The following GADL1 variants were observed in gnomAD, a reference collection of about 807,000 sequenced individuals.
The protein encoded by GADL1 is GAD like acidic amino acid decarboxylase 1.
Under a neutral mutation model 69.5 loss-of-function variants are expected in GADL1, and 71 were observed. That is an observed-to-expected ratio of 1.02 (90% confidence interval 0.84 to 1.25). The LOEUF is 1.25. Ranked by LOEUF, GADL1 falls within the 50% of genes most tolerant of loss-of-function variation. The pLI is 0.00. For missense variants in GADL1, 737 were observed against 631.8 expected (o/e 1.17, Z -1.79); for synonymous variants, 254 against 214.4 (o/e 1.18, Z -1.62).
intron 11 of GADL1, among the ~76,000 whole-genome samples, chr3:30,803,826 G>T (rs1697204424): frequency 6.6e-6 from 1 of 152,216 alleles, no homozygotes; most frequent in African/African-American, 2.4e-5. Context: ...ACTAAGAGAA[G>T]ATGCTCAGAT....
At chr3:30,777,635 T>C (rs1025833890) in intron 14 of GADL1, among the ~76,000 whole-genome samples, 11 of 152,182 alleles carry the variant, frequency 7.2e-5, no homozygotes, top group Admixed American at 3.9e-4. Flanking sequence ...CCTCACACGG[T>C]ATCATCAGCC....
At chr3:30,851,307 G>A (rs1698143609) in intron 4 of GADL1, among the ~76,000 whole-genome samples, 1 of 152,162 alleles carries the variant, frequency 6.6e-6, no homozygotes, top group African/African-American at 2.4e-5. Flanking sequence ...GATGGTCAAA[G>A]AAAATCCATT....
At chr3:30,761,991 C>T (rs936277189) in intron 14 of GADL1, among the ~76,000 whole-genome samples, 1 of 152,062 alleles carries the variant, frequency 6.6e-6, no homozygotes, top group Non-Finnish European at 1.5e-5. Flanking sequence ...AACCAAGGCA[C>T]AAAAGAGCCG....
At chr3:30,786,544 A>T in intron 12 of GADL1, 138 bp from the exon 13 acceptor site, 1 of 622,108 alleles carries the variant, frequency 1.6e-6, no homozygotes, top group Non-Finnish European at 2.9e-6. Flanking sequence ...AGGCAGAGCT[A>T]TGGATAGATA....
rs76530590 is a variant in GADL1, at chr3:30,846,928, T to A, written c.652-2462A>T. Among the ~76,000 whole-genome samples, 1,243 of 152,292 alleles carry A rather than the reference T, an allele frequency of 8.2e-3. 61 individuals are homozygous for A. The East Asian group carries it at 0.14, about 17-fold the overall frequency. On this transcript the variant is annotated intron_variant, in intron 6 of 14. Transcript: ENST00000282538. ...ACACACCCTACATAACTCACTTGCC[T>A]CTCCTGGCCTAAGCCCTGCTAGAGA...
In GADL1 at chr3:30,814,080, CT is replaced by C. The variant is rs200105072; in HGVS notation, c.1051-12993del. On this transcript the variant is annotated intron_variant, in intron 11 of 14. Coordinates refer to ENST00000282538, the MANE Select transcript of GADL1 (RefSeq NM_207359.3). ...TGCTTACTACTTGATTAACAATGCA[CT>C]GCACACGTTTGAACATTATCTCATT... 0.011 allele frequency among the ~76,000 whole-genome samples: 1,608 copies of C among 152,292 alleles called. 94 individuals are homozygous for C. In the East Asian group the frequency reaches 0.2, roughly 19 times the overall value.
chr3:30,783,420 TTTA>T (rs1559498487), intron 13 of GADL1, among the ~76,000 whole-genome samples: 1 of 150,574 alleles, frequency 6.6e-6, no homozygotes, highest in African/African-American at 2.4e-5. Context: ...GAAAGTTATT[TTTA>T]TTCTTTCCAG....
At chr3:30,775,457 T>C (rs1696515803) in intron 14 of GADL1, among the ~76,000 whole-genome samples, 1 of 152,194 alleles carries the variant, frequency 6.6e-6, no homozygotes, top group South Asian at 2.1e-4. Flanking sequence ...ATAAACTATG[T>C]GATATATAAT....
rs144779544 is a variant in GADL1 at position 30,782,875 on chromosome 3, G to T, written c.1302+3480C>A. Among the ~76,000 whole-genome samples, 88 of 152,290 alleles carry T rather than the reference G, an allele frequency of 5.8e-4. No individual in the cohort carries two copies. In the Middle Eastern group the frequency reaches 0.031, roughly 53 times the overall value. ...ATACAATGCTACAGAATTTCAGCAA[G>T]ATGAAGATTAAAATAATGTGCTTTG... On this transcript the variant is annotated intron_variant, in intron 13 of 14. Transcript: ENST00000282538.
chr3:30,815,201 GA>G (rs1296504573), intron 11 of GADL1, among the ~76,000 whole-genome samples: 2 of 151,512 alleles, frequency 1.3e-5, no homozygotes, highest in African/African-American at 4.9e-5. Flanking sequence ...GCCCCAAGAA[GA>G]AAAAAAATTT....
At position 30,864,392 on chromosome 3, in the gene GADL1, A is replaced by T. The variant is rs554398060; in HGVS notation, c.38-2627T>A. On this transcript the variant is annotated intron_variant, in intron 1 of 14. Coordinates refer to ENST00000282538, the MANE Select transcript of GADL1 (RefSeq NM_207359.3). ...GTGTGTGTGTGTCACACACATACAC[A>T]CACACGATAAAATAAAAAATGTCAA... 6.2e-4 allele frequency among the ~76,000 whole-genome samples: 94 copies of T among 151,972 alleles called. 2 individuals are homozygous for T. Among genetic ancestry groups the T allele is most frequent in the Non-Finnish European group, 1.1e-3 (78 of 67,922 alleles).
At chr3:30,877,024 C>T (rs1698585221) in intron 1 of GADL1, among the ~76,000 whole-genome samples, 1 of 151,746 alleles carries the variant, frequency 6.6e-6, no homozygotes, top group Non-Finnish European at 1.5e-5. Context: ...TTTTGAATCC[C>T]AATGGACCAG....
intron 14 of GADL1, among the ~76,000 whole-genome samples, chr3:30,751,553 T>C (rs550715813): frequency 8.7e-4 from 131 of 151,432 alleles, no homozygotes; most frequent in African/African-American, 3.1e-3. Flanking sequence ...GCTGGAAATA[T>C]CTAGTAGACT....
At chr3:30,781,123 A>G (rs566786513) in intron 13 of GADL1, among the ~76,000 whole-genome samples, 41 of 152,326 alleles carry the variant, frequency 2.7e-4, no homozygotes, top group Non-Finnish European at 4.6e-4. Flanking sequence ...ACAGGAGTCC[A>G]AGTATCTAGT....
At chr3:30,815,559 G>A (rs1041752467) in intron 11 of GADL1, among the ~76,000 whole-genome samples, 1 of 152,142 alleles carries the variant, frequency 6.6e-6, no homozygotes, top group African/African-American at 2.4e-5. Context: ...AACCTTGGCT[G>A]AAAGAGGGAA....
At chr3:30,862,209 T>C (rs559107631) in intron 1 of GADL1, among the ~76,000 whole-genome samples, 1 of 152,126 alleles carries the variant, frequency 6.6e-6, no homozygotes, top group East Asian at 1.9e-4. Context: ...TTGGCATTTC[T>C]ACACATGCAC....
At chr3:30,741,590 C>T (rs1048269449) in intron 14 of GADL1, among the ~76,000 whole-genome samples, 1 of 152,038 alleles carries the variant, frequency 6.6e-6, no homozygotes, top group Admixed American at 6.6e-5. Flanking sequence ...AATGTTCTTG[C>T]CGGTTACTAC....
intron 9 of GADL1, among the ~76,000 whole-genome samples, chr3:30,834,672 T>C (rs764914267): frequency 2.4e-4 from 37 of 152,102 alleles, no homozygotes; most frequent in Non-Finnish European, 4.6e-4. Flanking sequence ...ACTAGTATTT[T>C]ATATAATGAA....
intron 14 of GADL1, among the ~76,000 whole-genome samples, chr3:30,763,857 A>C (rs1010593852): frequency 2.0e-5 from 3 of 152,108 alleles, no homozygotes; most frequent in Middle Eastern, 3.4e-3. Flanking sequence ...AAATGTGAAG[A>C]TATCAGAAAA....
Sources: gnomAD v4.1 joint callset for allele counts (sites outside exome capture counted in the v4.1 genomes callset) on GRCh38, gnomAD v4.1.1 for gene constraint, MANE v1.5 for transcripts, NCBI Gene and HGNC (gene_info 2026-07-23, HGNC 2026-07-21) for gene names.